Variants in SPTBN1 observed in about 807,000 individuals in gnomAD.
SPTBN1 encodes the protein spectrin beta, non-erythrocytic 1.
In SPTBN1, 32 loss-of-function variants were observed where a neutral mutation model predicts 266.4. That is an observed-to-expected ratio of 0.12 (90% CI 0.09 to 0.16). The LOEUF (loss-of-function observed/expected upper bound fraction) is 0.16. SPTBN1 is among the 10% of genes least tolerant of loss of function. The pLI is 1.00. For synonymous variants in SPTBN1, 1,336 were observed against 1,162.2 expected (o/e 1.15, Z -3.04); for missense variants, 2,296 against 3,067.1 (o/e 0.75, Z 5.94).
intron 2 of SPTBN1, among the ~76,000 whole-genome samples, chr2:54,591,927 G>A (rs775550241): frequency 6.6e-5 from 10 of 152,136 alleles, no homozygotes; most frequent in Non-Finnish European, 4.4e-5. Flanking sequence ...ATTCACTTTG[G>A]GAGGCTAAGG....
At chr2:54,463,607 C>T (rs1053016243) in intron 1 of SPTBN1, among the ~76,000 whole-genome samples, 63 of 152,302 alleles carry the variant, frequency 4.1e-4, no homozygotes, top group Admixed American at 3.4e-3. Flanking sequence ...AGAGTATCTA[C>T]CACATAGGAT....
intron 16 of SPTBN1, among the ~76,000 whole-genome samples, chr2:54,632,178 CAAA>C (rs1346912580): frequency 4.0e-5 from 6 of 150,272 alleles, no homozygotes; most frequent in Non-Finnish European, 7.4e-5. Flanking sequence ...CCTGAGGACA[CAAA>C]GTAGAGATTA....
chr2:54,605,614 C>A (rs12713270), intron 3 of SPTBN1, among the ~76,000 whole-genome samples: 30,236 of 152,148 alleles, frequency 0.2, 3,424 homozygotes, highest in African/African-American at 0.3. Flanking sequence ...TCTGTGAGAT[C>A]ATGATCACCT....
Position 54,540,157 on chromosome 2 carries a change from G to A in SPTBN1, c.148+13591G>A, listed in dbSNP as rs77577021. On this transcript the variant is annotated intron_variant, in intron 2 of 35. Transcript: ENST00000356805. This position sits in a 1 kb window ranked among gnomAD's most constrained non-coding sequence, Gnocchi z 5.6. ...CCAGAACTGTGAGAGAGAAATGGTT[G>A]TTGGTTAATCTCCCAGTCTGTGGTA... 0.012 allele frequency among the ~76,000 whole-genome samples: 1,767 copies of A among 152,296 alleles called. 16 individuals are homozygous for A. Among genetic ancestry groups the A allele is most frequent in the Non-Finnish European group, 0.019 (1,288 of 68,020 alleles).
rs1453894468 is a variant in SPTBN1 at position 54,628,564 on chromosome 2, G to T, written c.1798+314G>T. On this transcript the variant is annotated intron_variant, in intron 13 of 35. Coordinates refer to ENST00000356805, the MANE Select transcript of SPTBN1 (RefSeq NM_003128.3). The surrounding 1 kb of genome is among the most constrained non-coding windows in gnomAD (Gnocchi z 4.3). ...TGGTGTGGCTGTTCCAGCAGCTCCT[G>T]GCTTTCACAGCTGGTTGCATATACC... Among the ~76,000 whole-genome samples the T allele has an allele frequency of 1.3e-5, 2 of 152,168 alleles. No homozygotes were observed. Among genetic ancestry groups the T allele is most frequent in the African/African-American group, 4.8e-5 (2 of 41,422 alleles).
chr2:54,473,072 CT>C (rs1358485095), intron 1 of SPTBN1, among the ~76,000 whole-genome samples: 1 of 152,088 alleles, frequency 6.6e-6, no homozygotes, highest in African/African-American at 2.4e-5. Context: ...GGCTTTGTTT[CT>C]TTTGTTTCAC....
At chr2:54,624,438 A>G (rs1041355341) in intron 10 of SPTBN1, among the ~76,000 whole-genome samples, 1 of 152,252 alleles carries the variant, frequency 6.6e-6, no homozygotes, top group Non-Finnish European at 1.5e-5. Context: ...TGAGAAATTC[A>G]TATGAATTCT....
chr2:54,506,150 A>AATAC (rs1325922188), intron 1 of SPTBN1, among the ~76,000 whole-genome samples: 8 of 151,672 alleles, frequency 5.3e-5, no homozygotes, highest in Non-Finnish European at 8.8e-5. Context: ...TAAATAAATA[A>AATAC]ATAAATAAAT....
At position 54,655,606 on chromosome 2, in the gene SPTBN1, C is replaced by T. The variant is rs190662626; in HGVS notation, c.5962-308C>T. On this transcript the variant is annotated intron_variant, in intron 28 of 35. Coordinates refer to ENST00000356805, the MANE Select transcript of SPTBN1 (RefSeq NM_003128.3). ...TGGCCCCCTGCATGGGAATGGGCAT[C>T]CTCTCCAAGAGGTCAGGGCTTTGTC... Among the ~76,000 whole-genome samples, 16 of 152,334 alleles carry T rather than the reference C, an allele frequency of 1.1e-4. 1 individual carries two copies. In the East Asian group the frequency reaches 3.1e-3, roughly 29 times the overall value.
intron 2 of SPTBN1, among the ~76,000 whole-genome samples, chr2:54,552,116 T>G (rs1672605515): frequency 6.6e-6 from 1 of 151,766 alleles, no homozygotes; most frequent in Non-Finnish European, 1.5e-5. Context: ...TCCAGAGGAG[T>G]GGTCACCCTT....
At chr2:54,520,589 G>A (rs536070043) in intron 1 of SPTBN1, 11 of 152,090 alleles carry the variant, frequency 7.2e-5, no homozygotes, top group Non-Finnish European at 1.6e-4. Flanking sequence ...AGAGTAATTT[G>A]AGGGGGAGGA....
chr2:54,477,651 T>C (rs1410288536), intron 1 of SPTBN1, among the ~76,000 whole-genome samples: 1 of 152,238 alleles, frequency 6.6e-6, no homozygotes, highest in South Asian at 2.1e-4. Flanking sequence ...CGGTGGCTCA[T>C]GCCTGTAATC....
intron 12 of SPTBN1, 102 bp from the exon 13 acceptor site, chr2:54,627,995 A>G: frequency 2.2e-6 from 3 of 1,383,678 alleles, no homozygotes; most frequent in Non-Finnish European, 2.9e-6. Flanking sequence ...ACTAGAGGGA[A>G]GGCATAGCTT....
intron 2 of SPTBN1, among the ~76,000 whole-genome samples, chr2:54,543,032 C>T (rs1034507465): frequency 6.6e-6 from 1 of 152,150 alleles, no homozygotes; most frequent in Admixed American, 6.5e-5. Flanking sequence ...TGTCTGAATA[C>T]ACTTTGGAGG....
chr2:54,457,123 C>A (rs1693084912), intron 1 of SPTBN1: 2 of 149,522 alleles, frequency 1.3e-5, no homozygotes, highest in African/African-American at 5.0e-5. Flanking sequence ...ACCTCCGCCC[C>A]ATCCCTGCGC....
intron 2 of SPTBN1, among the ~76,000 whole-genome samples, chr2:54,598,884 G>T (rs1256697966): frequency 2.0e-5 from 3 of 152,172 alleles, no homozygotes; most frequent in African/African-American, 7.2e-5. Context: ...TAAACCCATC[G>T]TAAAGTCAAA....
At chr2:54,495,580 C>A (rs1007639369) in intron 1 of SPTBN1, among the ~76,000 whole-genome samples, 2 of 151,866 alleles carry the variant, frequency 1.3e-5, no homozygotes, top group African/African-American at 4.8e-5. Context: ...GCCTTTAATC[C>A]CACCACCCAG....
intron 1 of SPTBN1, among the ~76,000 whole-genome samples, chr2:54,482,670 A>G (rs1668159201): frequency 6.6e-6 from 1 of 152,120 alleles, no homozygotes; most frequent in African/African-American, 2.4e-5. Flanking sequence ...TCGAATGCTC[A>G]GTAGCCACAC....
chr2:54,561,662 C>A (rs867847257), intron 2 of SPTBN1, among the ~76,000 whole-genome samples: 2 of 140,422 alleles, frequency 1.4e-5, no homozygotes, highest in East Asian at 2.0e-4. Context: ...TGGTTTATAG[C>A]GATTTATAGT....
Sources: gnomAD v4.1 joint callset for allele counts (sites outside exome capture counted in the v4.1 genomes callset) on GRCh38, gnomAD v4.1.1 for gene constraint, Gnocchi (gnomAD v3.1) non-coding constraint, MANE v1.5 for transcripts, NCBI Gene and HGNC (gene_info 2026-07-23, HGNC 2026-07-21) for gene names.